The following RGS3 variants were observed in gnomAD, a reference collection of about 807,000 sequenced individuals.
RGS3 encodes regulator of G-protein signalling 3.
A neutral mutation model predicts 132.6 loss-of-function variants in RGS3; 80 were observed. The ratio of observed to expected loss-of-function variants is 0.60; its 90% confidence interval spans 0.50 to 0.73. The LOEUF is 0.73. RGS3 is among the 30% of genes least tolerant of loss of function. RGS3 has a pLI of 0.00. For synonymous variants in RGS3, 598 were observed against 620.6 expected (o/e 0.96, Z 0.54); for missense variants, 1,382 against 1,530.8 (o/e 0.90, Z 1.62).
exon 3 of RGS3, chr9:113,462,053 T>C (rs769405655): frequency 6.2e-7 from 1 of 1,614,106 alleles, no homozygotes; most frequent in Non-Finnish European, 8.5e-7. Flanking sequence ...GTGTCCTCTC[T>C]ACATCCTGTG....
At chr9:113,512,302 G>A (rs1392735452) in intron 14 of RGS3, among the ~76,000 whole-genome samples, 1 of 152,168 alleles carries the variant, frequency 6.6e-6, no homozygotes, top group Non-Finnish European at 1.5e-5. Flanking sequence ...GGACTGATAT[G>A]TAGGGCCAGA....
At chr9:113,532,566 A>G (rs1032062135) in intron 18 of RGS3, among the ~76,000 whole-genome samples, 1 of 152,228 alleles carries the variant, frequency 6.6e-6, no homozygotes, top group Non-Finnish European at 1.5e-5. Flanking sequence ...AGGTGAAGAA[A>G]TAATGGCTTT....
intron 7 of RGS3, among the ~76,000 whole-genome samples, chr9:113,486,974 A>G (rs1017103446): frequency 4.6e-5 from 7 of 151,606 alleles, no homozygotes; most frequent in African/African-American, 1.7e-4. Context: ...AGACTTTCCT[A>G]TCGGATCACC....
At chr9:113,483,160 C>A in intron 5 of RGS3, 43 bp downstream of exon 3, 1 of 1,414,374 alleles carries the variant, frequency 7.1e-7, no homozygotes, top group South Asian at 1.2e-5. Context: ...TATTGAGGGG[C>A]CATGTTACTG....
Position 113,507,615 on chromosome 9 carries a change from G to A in RGS3, c.1414G>A (p.Ala472Thr). ...CACCGACCCCAACTACATCATCCTG[G>A]CCCCGCTGAATCCTGGGAGCCAGGT... Residue 472 changes from alanine (A) to threonine (T), a missense_variant, in exon 13 of 25, where the codon GCC (alanine) becomes ACC (threonine). Ala to Thr is a moderately conservative substitution (Grantham distance 58). Transcript: ENST00000350696. This position sits in a 1 kb window ranked among gnomAD's most constrained non-coding sequence, Gnocchi z 5.0. 6.8e-7 allele frequency: 1 copy of A among 1,480,480 alleles called. No individual in the cohort carries two copies. Among genetic ancestry groups the A allele is most frequent in the Middle Eastern group, 1.8e-4 (1 of 5,488 alleles). 91.7% of individuals were successfully genotyped at this position (1,480,480 alleles called of 1,614,324 possible). A position where few individuals can be genotyped will look rare whatever the true frequency, so the allele number is the denominator to read the frequency against.
In RGS3 at chr9:113,591,446, C is replaced by A. The variant is rs766493176; in HGVS notation, c.3080+49C>A. On this transcript the variant is annotated intron_variant, in intron 21 of 24. Coordinates refer to ENST00000350696, the Ensembl canonical transcript of RGS3. This position sits in a 1 kb window ranked among gnomAD's most constrained non-coding sequence, Gnocchi z 4.4. ...TCTGCGCTCCTCTTCCTCCCTTGCC[C>A]CAGGGCTTGTCTCTCCTCTAGGGGT... 3 of 1,546,744 alleles carry A rather than the reference C, an allele frequency of 1.9e-6. No homozygotes were observed. Among genetic ancestry groups the A allele is most frequent in the African/African-American group, 1.4e-5 (1 of 73,476 alleles).
At chr9:113,581,043 C>G (rs1244674141) in intron 19 of RGS3, 1 of 950,182 alleles carries the variant, frequency 1.1e-6, no homozygotes. Context: ...GGGGGGAGGT[C>G]TGGCCATGTG....
intron 4 of RGS3, among the ~76,000 whole-genome samples, chr9:113,482,066 AAAACAAG>A (rs1025352144): frequency 6.6e-6 from 1 of 151,852 alleles, no homozygotes. Flanking sequence ...AAAAACAAAA[AAAACAAG>A]AAACAAACAA....
At chr9:113,470,578 A>C (rs1490765494) in intron 3 of RGS3, among the ~76,000 whole-genome samples, 1 of 152,176 alleles carries the variant, frequency 6.6e-6, no homozygotes, top group Non-Finnish European at 1.5e-5. Context: ...TGCTTCTTTC[A>C]TTTAATATTT....
intron 10 of RGS3, among the ~76,000 whole-genome samples, chr9:113,504,149 G>A (rs1831031520): frequency 6.6e-6 from 1 of 152,242 alleles, no homozygotes; most frequent in Non-Finnish European, 1.5e-5. Flanking sequence ...CCTGGCCCTG[G>A]GATGGTGGGT....
intron 4 of RGS3, among the ~76,000 whole-genome samples, chr9:113,481,905 G>A (rs902246544): frequency 3.4e-4 from 52 of 152,116 alleles, no homozygotes; most frequent in Non-Finnish European, 6.6e-4. Context: ...AATTAGCCGG[G>A]TGTGGTGGCA....
At chr9:113,531,930 C>T (rs186633324) in intron 18 of RGS3, among the ~76,000 whole-genome samples, 2 of 152,276 alleles carry the variant, frequency 1.3e-5, no homozygotes, top group East Asian at 3.9e-4. Flanking sequence ...TTGTTTTTTA[C>T]AAAGATACAG....
chr9:113,593,333 C>T (rs1835544850), intron 21 of RGS3, among the ~76,000 whole-genome samples: 1 of 152,134 alleles, frequency 6.6e-6, no homozygotes, highest in Non-Finnish European at 1.5e-5. Flanking sequence ...TATTAAATTT[C>T]TTTTGCACGT....
chr9:113,509,348 A>T (rs1032789034), intron 14 of RGS3, among the ~76,000 whole-genome samples: 1 of 152,062 alleles, frequency 6.6e-6, no homozygotes, highest in Non-Finnish European at 1.5e-5. Context: ...AATGGGGTCA[A>T]TAATTCCTAC....
chr9:113,583,099 A>AGT (rs1053711970), intron 19 of RGS3: 1 of 289,724 alleles, frequency 3.5e-6, no homozygotes, highest in African/African-American at 2.2e-5. Context: ...AAATGGGGAC[A>AGT]GTGATGCTTC....
chr9:113,477,937 C>T (rs1299720110), intron 3 of RGS3, among the ~76,000 whole-genome samples: 1 of 152,170 alleles, frequency 6.6e-6, no homozygotes, highest in Non-Finnish European at 1.5e-5. Flanking sequence ...CTGAGTTCAG[C>T]AGCTTTTTGA....
chr9:113,514,779 T>A, intron 15 of RGS3, 125 bp downstream of exon 13: 2 of 820,420 alleles, frequency 2.4e-6, no homozygotes, highest in Non-Finnish European at 3.8e-6. Flanking sequence ...GAAAGATAAG[T>A]AGCTTTAGAT....
chr9:113,590,371 A>ACTCTTCCACTCCT (rs1835354985), intron 20 of RGS3, among the ~76,000 whole-genome samples: 1 of 42,986 alleles, frequency 2.3e-5, no homozygotes, highest in African/African-American at 9.8e-5. Flanking sequence ...CCACCCATCC[A>ACTCTTCCACTCCT]TCTATTCACC....
intron 17 of RGS3, among the ~76,000 whole-genome samples, chr9:113,527,343 T>C (rs1832258273): frequency 6.6e-6 from 1 of 152,240 alleles, no homozygotes; most frequent in Non-Finnish European, 1.5e-5. Flanking sequence ...TTTTCTTACA[T>C]AGATCCTTTT....
Sources: gnomAD v4.1 joint callset for allele counts (sites outside exome capture counted in the v4.1 genomes callset) on GRCh38, gnomAD v4.1.1 for gene constraint, Gnocchi (gnomAD v3.1) non-coding constraint, MANE v1.5 for transcripts, NCBI Gene and HGNC (gene_info 2026-07-23, HGNC 2026-07-21) for gene names.